Variants in ZBBX observed in about 807,000 individuals in gnomAD.
ZBBX encodes the protein zinc finger B-box domain containing.
A neutral mutation model predicts 108.5 loss-of-function variants in ZBBX; 101 were observed. The ratio of observed to expected loss-of-function variants is 0.93; its 90% confidence interval spans 0.79 to 1.10. The LOEUF (loss-of-function observed/expected upper bound fraction) is 1.10, where lower values mean the gene tolerates loss of function less well. Ranked by LOEUF, ZBBX falls within the 50% of genes least tolerant of loss-of-function variation. ZBBX has a pLI of 0.00. For missense variants in ZBBX, 1,009 were observed against 941.4 expected (o/e 1.07, Z -0.94); for synonymous variants, 356 against 323.4 (o/e 1.10, Z -1.08).
At chr3:167,383,583 T>C (rs1747813477), upstream of ZBBX, among the ~76,000 whole-genome samples, 1 of 152,092 alleles carries the variant, frequency 6.6e-6, no homozygotes, top group Non-Finnish European at 1.5e-5. Context: ...CTATCATCCA[T>C]GACACAGAAT....
intron 4 of ZBBX, among the ~76,000 whole-genome samples, chr3:167,368,983 C>T (rs1414823274): frequency 6.6e-6 from 1 of 152,098 alleles, no homozygotes; most frequent in African/African-American, 2.4e-5. Flanking sequence ...ACGAAATATA[C>T]ATTTTTGCTG....
intron 2 of ZBBX, among the ~76,000 whole-genome samples, 172 bp downstream of exon 2, chr3:167,379,466 T>C (rs1348215084): frequency 6.6e-6 from 1 of 152,218 alleles, no homozygotes; most frequent in African/African-American, 2.4e-5. Context: ...GTGTAGACTA[T>C]AAGATAAGCT....
At chr3:167,373,866 T>C (rs998839677) in intron 2 of ZBBX, 79 bp from the exon 3 acceptor site, 1 of 152,164 alleles carries the variant, frequency 6.6e-6, no homozygotes, top group African/African-American at 2.4e-5. Context: ...CAAGTGTAAC[T>C]ATTATTTTTT....
intron 19 of ZBBX, among the ~76,000 whole-genome samples, chr3:167,282,843 C>T (rs1012029815): frequency 6.6e-6 from 1 of 152,118 alleles, no homozygotes; most frequent in African/African-American, 2.4e-5. Context: ...CCAAGCACCA[C>T]GACATGTGTC....
At chr3:167,186,051 G>A in the ZBBX span, among the ~76,000 whole-genome samples, 2 of 151,786 alleles carry the variant, frequency 1.3e-5, no homozygotes, top group South Asian at 2.1e-4. Flanking sequence ...TACTATTCAT[G>A]TTTTTCCAGA....
intron 2 of ZBBX, among the ~76,000 whole-genome samples, chr3:167,378,628 C>T (rs762588396): frequency 2.6e-5 from 4 of 152,138 alleles, no homozygotes; most frequent in Admixed American, 6.5e-5. Context: ...AGAGAGCTCA[C>T]GGTTCAGGGA....
At chr3:167,407,857 G>A (rs975345391), upstream of ZBBX, among the ~76,000 whole-genome samples, 8 of 151,958 alleles carry the variant, frequency 5.3e-5, no homozygotes, top group Admixed American at 2.0e-4. Context: ...AATTACTGAT[G>A]CGCTCACAGA....
chr3:167,216,155 A>G, the ZBBX span, among the ~76,000 whole-genome samples: 48,471 of 151,928 alleles, frequency 0.32, 8,172 homozygotes, highest in East Asian at 0.65. Context: ...AAGAAAGGGC[A>G]TCCAAACAAA....
intron 21 of ZBBX, among the ~76,000 whole-genome samples, chr3:167,241,581 T>C (rs1560011406): frequency 6.6e-6 from 1 of 152,142 alleles, no homozygotes; most frequent in Non-Finnish European, 1.5e-5. Context: ...CAAATATAAA[T>C]GATAATAGAA....
the ZBBX span, among the ~76,000 whole-genome samples, chr3:167,184,395 G>C: frequency 6.6e-6 from 1 of 152,080 alleles, no homozygotes; most frequent in Non-Finnish European, 1.5e-5. Context: ...TGGCCAGGCT[G>C]GTGTCGAACT....
At chr3:167,306,970 C>A (rs1198382825) in intron 16 of ZBBX, among the ~76,000 whole-genome samples, 1 of 152,110 alleles carries the variant, frequency 6.6e-6, no homozygotes, top group Non-Finnish European at 1.5e-5. Context: ...ATATAACTCA[C>A]CAATTTCAGA....
At chr3:167,315,406 A>G (rs1376151258) in intron 15 of ZBBX, among the ~76,000 whole-genome samples, 1 of 152,162 alleles carries the variant, frequency 6.6e-6, no homozygotes, top group Non-Finnish European at 1.5e-5. Context: ...AACAAAATCC[A>G]GAGTATCTTT....
At chr3:167,370,805 A>G (rs1746046460) in intron 4 of ZBBX, among the ~76,000 whole-genome samples, 1 of 152,310 alleles carries the variant, frequency 6.6e-6, no homozygotes, top group East Asian at 1.9e-4. Flanking sequence ...GATTTCCAAA[A>G]TGATAAGTTC....
chr3:167,200,562 G>A, the ZBBX span, among the ~76,000 whole-genome samples: 2,025 of 152,210 alleles, frequency 0.013, 22 homozygotes, highest in South Asian at 0.026. Context: ...TACGCATCTG[G>A]ATCAACCTTC....
chr3:167,397,684 A>T (rs944414807), intron 1 of ZBBX, among the ~76,000 whole-genome samples: 3 of 151,944 alleles, frequency 2.0e-5, no homozygotes, highest in African/African-American at 7.2e-5. Flanking sequence ...AGAGAAATGC[A>T]GATGATGACA....
chr3:167,394,834 C>T (rs139816307), intron 1 of ZBBX, among the ~76,000 whole-genome samples: 2 of 152,036 alleles, frequency 1.3e-5, no homozygotes, highest in Non-Finnish European at 2.9e-5. Context: ...CTGATTTAGT[C>T]GATCCGAGGT....
rs180785372 is a variant in ZBBX at position 167,329,760 on chromosome 3, G to A, written c.688-1644C>T. 2.2e-4 allele frequency among the ~76,000 whole-genome samples: 33 copies of A among 152,286 alleles called. No individual in the cohort carries two copies. The East Asian group carries it at 4.1e-3, about 19-fold the overall frequency. On this transcript the variant is annotated intron_variant, in intron 10 of 21. Coordinates refer to ENST00000675490, the MANE Select transcript of ZBBX (RefSeq NM_001199201.2). ...AAATATAAAGGGTAGAAAGGAAGCA[G>A]GGGAAGAATATCAAGGGCTCTGCCT...
At chr3:167,216,080 C>T in the ZBBX span, among the ~76,000 whole-genome samples, 4 of 152,226 alleles carry the variant, frequency 2.6e-5, no homozygotes, top group East Asian at 7.7e-4. Flanking sequence ...GACAAGGATG[C>T]CCTCTTTCAT....
intron 14 of ZBBX, 52 bp from the exon 15 acceptor site, chr3:167,315,881 A>T (rs573289921): frequency 8.9e-7 from 1 of 1,126,074 alleles, no homozygotes; most frequent in Admixed American, 2.2e-5. Flanking sequence ...AATTTATTAC[A>T]CATTAACCAA....
Sources: allele counts gnomAD v4.1 joint callset (sites outside exome capture counted in the v4.1 genomes callset), GRCh38; gene constraint gnomAD v4.1.1; transcripts MANE v1.5; gene names NCBI Gene and HGNC (gene_info 2026-07-23, HGNC 2026-07-21).